Variants in TTC7B observed in about 807,000 individuals in gnomAD.
TTC7B encodes the protein tetratricopeptide repeat domain 7B.
In TTC7B, 28 loss-of-function variants were observed where a neutral mutation model predicts 106.8. The observed-to-expected ratio is 0.26, with a 90% confidence interval of 0.19 to 0.36. TTC7B has a LOEUF of 0.36. Among genes scored for constraint, TTC7B ranks in the 10% least tolerant of loss-of-function variants. TTC7B has a pLI of 1.00. For missense variants in TTC7B, 862 were observed against 1,076.4 expected (o/e 0.80, Z 2.79); for synonymous variants, 405 against 430.6 (o/e 0.94, Z 0.74).
chr14:90,578,435 C>A lies in TTC7B; in HGVS notation c.2108-127G>T. On this transcript the variant is annotated intron_variant, in intron 18 of 19. Coordinates refer to ENST00000328459, the MANE Select transcript of TTC7B (RefSeq NM_001010854.2). The surrounding 1 kb of genome is among the most constrained non-coding windows in gnomAD (Gnocchi z 4.7). ...GGGGCGCAGAGCCAGCTGATCCCTG[C>A]TCCAAGTGGAAACAGCTGCCGCTGA... The A allele has an allele frequency of 1.1e-6, 1 of 947,950 alleles. No individual in the cohort carries two copies. The highest frequency in any genetic ancestry group is 2.6e-5 in the East Asian group (1 of 38,354). The allele number at this position is 947,950 out of a possible 1,614,324, so 58.7% of individuals were successfully genotyped here.
chr14:90,617,057 G>T (rs1008688615), intron 16 of TTC7B, among the ~76,000 whole-genome samples: 3 of 152,170 alleles, frequency 2.0e-5, no homozygotes, highest in Admixed American at 6.5e-5. Flanking sequence ...AAATAGGTGG[G>T]TGTCTGTCCG....
chr14:90,638,939 T>C (rs1051051244), intron 15 of TTC7B, among the ~76,000 whole-genome samples: 3 of 152,234 alleles, frequency 2.0e-5, no homozygotes, highest in Admixed American at 1.3e-4. Context: ...AAGGTGGAAC[T>C]GTGGAGCAAC....
intron 5 of TTC7B, among the ~76,000 whole-genome samples, chr14:90,716,599 T>G (rs931791764): frequency 1.3e-5 from 2 of 152,118 alleles, no homozygotes; most frequent in Non-Finnish European, 2.9e-5. Flanking sequence ...TTGTTTGTTT[T>G]TGTGTGTGTG....
chr14:90,552,724 T>G (rs902460300), intron 19 of TTC7B, among the ~76,000 whole-genome samples: 1 of 152,146 alleles, frequency 6.6e-6, no homozygotes, highest in African/African-American at 2.4e-5. Context: ...CCAGCTCAGA[T>G]GAAGGAGGAG....
chr14:90,543,683 A>G (rs1889697010), intron 19 of TTC7B, among the ~76,000 whole-genome samples: 1 of 152,244 alleles, frequency 6.6e-6, no homozygotes, highest in Non-Finnish European at 1.5e-5. Context: ...TCTCTTGGAG[A>G]GTGTGGAGAA....
At chr14:90,574,882 G>A (rs918357234) in intron 19 of TTC7B, among the ~76,000 whole-genome samples, 2 of 152,096 alleles carry the variant, frequency 1.3e-5, no homozygotes, top group Admixed American at 6.5e-5. Context: ...CATGATCCAC[G>A]ACCTGTCTCC....
At chr14:90,553,940 G>A (rs1274338801) in intron 19 of TTC7B, among the ~76,000 whole-genome samples, 1 of 152,230 alleles carries the variant, frequency 6.6e-6, no homozygotes, top group African/African-American at 2.4e-5. Flanking sequence ...GAATATTCTG[G>A]AGGAGCTTAT....
chr14:90,707,936 G>C (rs1888277450), intron 5 of TTC7B, among the ~76,000 whole-genome samples: 1 of 152,052 alleles, frequency 6.6e-6, no homozygotes, highest in Admixed American at 6.5e-5. Context: ...CACGAGGTTA[G>C]GAGCTCGAGA....
At chr14:90,622,933 T>TC (rs1212129693) in intron 15 of TTC7B, among the ~76,000 whole-genome samples, 12 of 152,098 alleles carry the variant, frequency 7.9e-5, no homozygotes, top group Non-Finnish European at 1.8e-4. Flanking sequence ...CCATTGCCCA[T>TC]CACCTACGCC....
At chr14:90,689,404 A>C (rs1395661793) in intron 7 of TTC7B, 136 bp downstream of exon 7, 3 of 759,888 alleles carry the variant, frequency 3.9e-6, no homozygotes, top group Non-Finnish European at 6.3e-6. Context: ...AATCTCTACT[A>C]AACTGGAAAA....
intron 3 of TTC7B, among the ~76,000 whole-genome samples, chr14:90,778,740 C>T (rs1397952756): frequency 6.6e-6 from 1 of 152,250 alleles, no homozygotes; most frequent in Non-Finnish European, 1.5e-5. Flanking sequence ...ACCCCAGAGG[C>T]AGCCTCAAAG....
At chr14:90,687,959 T>C (rs1313381625) in intron 7 of TTC7B, among the ~76,000 whole-genome samples, 1 of 152,216 alleles carries the variant, frequency 6.6e-6, no homozygotes, top group African/African-American at 2.4e-5. Context: ...AAATGCCGAC[T>C]CCTCTGAAAG....
At chr14:90,665,362 C>T (rs968122204) in intron 9 of TTC7B, among the ~76,000 whole-genome samples, 18 of 152,218 alleles carry the variant, frequency 1.2e-4, no homozygotes, top group East Asian at 1.9e-4. Context: ...CTTGCGAAAA[C>T]GTTTCCTTTT....
chr14:90,733,011 C>A (rs1248892932), intron 4 of TTC7B, among the ~76,000 whole-genome samples: 1 of 152,196 alleles, frequency 6.6e-6, no homozygotes, highest in East Asian at 1.9e-4. Flanking sequence ...GGCTGTCTCT[C>A]TCCACTGTGC....
At chr14:90,560,907 G>A (rs1325055289) in intron 19 of TTC7B, among the ~76,000 whole-genome samples, 3 of 152,238 alleles carry the variant, frequency 2.0e-5, no homozygotes, top group African/African-American at 4.8e-5. Context: ...CAGGCAGCAG[G>A]TAAAGAATTT....
At chr14:90,650,940 T>A (rs1885690728) in intron 13 of TTC7B, among the ~76,000 whole-genome samples, 1 of 152,198 alleles carries the variant, frequency 6.6e-6, no homozygotes, top group Admixed American at 6.5e-5. Context: ...AGAGAACAAA[T>A]ATGTCTGAAT....
At chr14:90,610,933 T>C in intron 16 of TTC7B, 94 bp from the exon 17 acceptor site, 1 of 836,878 alleles carries the variant, frequency 1.2e-6, no homozygotes, top group Non-Finnish European at 2.1e-6. Flanking sequence ...GGCCAATGAA[T>C]ACTTTCTGTG....
chr14:90,683,846 G>A (rs891650069), intron 7 of TTC7B, among the ~76,000 whole-genome samples: 12 of 152,302 alleles, frequency 7.9e-5, no homozygotes, highest in Admixed American at 2.6e-4. Flanking sequence ...GTAGCTGGTC[G>A]TTTACACAGC....
intron 6 of TTC7B, among the ~76,000 whole-genome samples, chr14:90,695,102 ATTT>A (rs1300251305): frequency 1.0e-5 from 1 of 97,686 alleles, no homozygotes; most frequent in African/African-American, 3.6e-5. Flanking sequence ...AATATATTTT[ATTT>A]TATTATAAAA....
Sources: allele counts gnomAD v4.1 joint callset (sites outside exome capture counted in the v4.1 genomes callset), GRCh38; gene constraint gnomAD v4.1.1; non-coding constraint Gnocchi (gnomAD v3.1); transcripts MANE v1.5; gene names NCBI Gene and HGNC (gene_info 2026-07-23, HGNC 2026-07-21).